CNTN4: variants seen among roughly 807,000 people sequenced by gnomAD.
CNTN4 encodes the protein contactin-4.
In CNTN4, 77 loss-of-function variants were observed where a neutral mutation model predicts 122.5. That is an observed-to-expected ratio of 0.63 (90% CI 0.52 to 0.76). The LOEUF is 0.76. CNTN4 is among the 30% of genes least tolerant of loss of function. The pLI is 0.00. For missense variants in CNTN4, 1,256 were observed against 1,259.1 expected (o/e 1.00, Z 0.04); for synonymous variants, 512 against 447.0 (o/e 1.15, Z -1.83).
At chr3:2,764,355 A>G (rs953542056) in intron 6 of CNTN4, among the ~76,000 whole-genome samples, 1 of 152,240 alleles carries the variant, frequency 6.6e-6, no homozygotes, top group African/African-American at 2.4e-5. Flanking sequence ...TGAGATCTGA[A>G]GGATCAGTAA....
At chr3:3,032,014 T>C (rs1464880415) in intron 16 of CNTN4, among the ~76,000 whole-genome samples, 1 of 152,112 alleles carries the variant, frequency 6.6e-6, no homozygotes, top group Non-Finnish European at 1.5e-5. Context: ...GGGGGAAATG[T>C]GTGGGAGTTA....
At chr3:2,168,259 C>G (rs987645415) in intron 2 of CNTN4, among the ~76,000 whole-genome samples, 1 of 151,974 alleles carries the variant, frequency 6.6e-6, no homozygotes, top group Non-Finnish European at 1.5e-5. Flanking sequence ...TATTAAAAAT[C>G]TTATAGGTTA....
At chr3:2,215,511 C>CGT (rs1360246931) in intron 2 of CNTN4, among the ~76,000 whole-genome samples, 3 of 152,116 alleles carry the variant, frequency 2.0e-5, no homozygotes, top group Non-Finnish European at 4.4e-5. Context: ...TTGTAGGGTA[C>CGT]GTGTGTCAAC....
chr3:2,867,777 G>A (rs147056073), intron 8 of CNTN4, among the ~76,000 whole-genome samples: 4 of 151,882 alleles, frequency 2.6e-5, no homozygotes, highest in South Asian at 2.1e-4. Context: ...TCGAGTCTAC[G>A]ACCATACCCC....
At chr3:2,461,568 C>G (rs540972414) in intron 3 of CNTN4, among the ~76,000 whole-genome samples, 11 of 152,152 alleles carry the variant, frequency 7.2e-5, no homozygotes, top group Non-Finnish European at 1.5e-4. Context: ...ACCGCTGTAC[C>G]GACTTGTATC....
intron 14 of CNTN4, chr3:3,008,876 A>G (rs1696903488): frequency 1.1e-6 from 1 of 878,700 alleles, no homozygotes; most frequent in African/African-American, 1.8e-5. Context: ...CGGGTTTCCC[A>G]TTGTCCTCGG....
chr3:2,803,380 A>G (rs545112458), intron 6 of CNTN4, among the ~76,000 whole-genome samples: 1 of 152,182 alleles, frequency 6.6e-6, no homozygotes, highest in Non-Finnish European at 1.5e-5. Context: ...GAACTTATAA[A>G]TCTAAACTTG....
chr3:2,166,894 C>T (rs1230539651), intron 2 of CNTN4, among the ~76,000 whole-genome samples: 2 of 151,596 alleles, frequency 1.3e-5, no homozygotes, highest in Non-Finnish European at 2.9e-5. Flanking sequence ...CAAAATAACA[C>T]ATAAGAAAAA....
chr3:2,269,762 C>T (rs191355859), intron 2 of CNTN4, among the ~76,000 whole-genome samples: 1 of 152,120 alleles, frequency 6.6e-6, no homozygotes, highest in Admixed American at 6.6e-5. Context: ...AGAGTCTCTA[C>T]CCTTATTTAT....
intron 4 of CNTN4, among the ~76,000 whole-genome samples, chr3:2,688,293 A>C (rs938893213): frequency 2.0e-5 from 3 of 152,140 alleles, no homozygotes; most frequent in Admixed American, 2.0e-4. Flanking sequence ...CCCCAAACAC[A>C]GTTTGTCATT....
chr3:2,108,424 G>C (rs141946633), intron 2 of CNTN4, among the ~76,000 whole-genome samples: 82 of 152,222 alleles, frequency 5.4e-4, no homozygotes, highest in African/African-American at 1.9e-3. Context: ...GGACAGGGGG[G>C]TTCCCAGGAT....
chr3:2,255,211 T>C (rs1227518366), intron 2 of CNTN4, among the ~76,000 whole-genome samples: 1 of 151,754 alleles, frequency 6.6e-6, no homozygotes, highest in African/African-American at 2.4e-5. Flanking sequence ...TGTGGCATTA[T>C]TTCTGAGGGC....
chr3:2,245,752 C>G (rs957283454), intron 2 of CNTN4, among the ~76,000 whole-genome samples: 4 of 151,936 alleles, frequency 2.6e-5, no homozygotes, highest in African/African-American at 9.7e-5. Context: ...ATTTTATTCT[C>G]ATTGGTCACA....
intron 4 of CNTN4, among the ~76,000 whole-genome samples, chr3:2,612,417 T>G (rs571217233): frequency 3.3e-4 from 50 of 152,226 alleles, no homozygotes; most frequent in Non-Finnish European, 5.4e-4. Context: ...GTTGTATGGG[T>G]ATTTGAAGTA....
intron 6 of CNTN4, among the ~76,000 whole-genome samples, chr3:2,747,311 A>C (rs1399123644): frequency 6.6e-6 from 1 of 151,716 alleles, no homozygotes; most frequent in East Asian, 1.9e-4. Context: ...CGGGAGGCTG[A>C]GGCAGGAGAA....
Position 3,043,682 on chromosome 3 carries a change from A to G in CNTN4, c.2789A>G (p.Glu930Gly), listed in dbSNP as rs1382283445. 1 of 1,613,084 alleles carries G rather than the reference A, an allele frequency of 6.2e-7. No individual in the cohort carries two copies. The highest frequency in any genetic ancestry group is 1.7e-5 in the Admixed American group (1 of 60,028). The change falls in exon 23 of 25, where the codon GAG becomes GGG. Residue 930 changes from glutamate (E) to glycine (G), a missense_variant. Coordinates refer to ENST00000418658, the MANE Select transcript of CNTN4 (RefSeq NM_175607.3). ...NWDQVKALDN[E>G]SEVKGYKVLY... ...GATCAAGTGAAGGCCCTGGATAATG[A>G]GTCGGAAGTAAAAGGATACAAAGTA...
chr3:2,953,860 C>T (rs565406266), intron 13 of CNTN4, among the ~76,000 whole-genome samples: 9 of 152,174 alleles, frequency 5.9e-5, no homozygotes, highest in African/African-American at 1.7e-4. Flanking sequence ...ATTAATGCAC[C>T]GATTCATTCA....
chr3:2,384,815 T>C (rs1482971847), intron 3 of CNTN4, among the ~76,000 whole-genome samples: 1 of 152,036 alleles, frequency 6.6e-6, no homozygotes, highest in Admixed American at 6.6e-5. Flanking sequence ...ATTATATCCT[T>C]GGTTTCTAAG....
In CNTN4 at chr3:2,709,393, G is replaced by C. The variant is rs1218182938; in HGVS notation, c.56-26822G>C. ...CTCACGCCTGGTTAGGATTTGATTG[G>C]TAAGGGTACAACCTGTGCACCAGGG... is the stretch of plus-strand genomic sequence containing the variant. On this transcript the variant is annotated intron_variant, in intron 4 of 24. Coordinates refer to ENST00000418658, the MANE Select transcript of CNTN4 (RefSeq NM_175607.3). This position sits in a 1 kb window ranked among gnomAD's most constrained non-coding sequence, Gnocchi z 5.0. Among the ~76,000 whole-genome samples the C allele has an allele frequency of 1.1e-4, 17 of 151,732 alleles. No individual in the cohort carries two copies. The highest frequency in any genetic ancestry group is 2.2e-4 in the Non-Finnish European group (15 of 68,022).
Sources: allele counts gnomAD v4.1 joint callset (sites outside exome capture counted in the v4.1 genomes callset), GRCh38; gene constraint gnomAD v4.1.1; non-coding constraint Gnocchi (gnomAD v3.1); transcripts MANE v1.5; gene names NCBI Gene and HGNC (gene_info 2026-07-23, HGNC 2026-07-21).